The following SUSD4 variants were observed in gnomAD, a reference collection of about 807,000 sequenced individuals.
SUSD4 encodes the protein sushi domain-containing protein 4.
In SUSD4, 41 loss-of-function variants were observed where a neutral mutation model predicts 50.5. The ratio of observed to expected loss-of-function variants is 0.81; its 90% CI spans 0.63 to 1.05. The LOEUF is 1.05. Ranked by LOEUF, SUSD4 falls within the 50% of genes least tolerant of loss-of-function variation. The probability of loss-of-function intolerance (pLI) is 0.00; values close to 1 mark genes in which losing one functional copy is unlikely to be tolerated. For missense variants in SUSD4, 580 were observed against 634.7 expected (o/e 0.91, Z 0.93); for synonymous variants, 257 against 257.3 (o/e 1.00, Z 0.01).
At chr1:223,242,679 C>T (rs1223734275) in intron 5 of SUSD4, among the ~76,000 whole-genome samples, 1 of 152,214 alleles carries the variant, frequency 6.6e-6, no homozygotes, top group East Asian at 1.9e-4. Context: ...TAGTTACTCC[C>T]CTCACTCAGT....
At chr1:223,349,377 T>C (rs1558273366) in intron 2 of SUSD4, among the ~76,000 whole-genome samples, 1 of 152,150 alleles carries the variant, frequency 6.6e-6, no homozygotes. Context: ...GCTCAGCGGA[T>C]GGCCTGGGGC....
chr1:223,294,008 G>A (rs825119), intron 2 of SUSD4, among the ~76,000 whole-genome samples: 6,181 of 152,236 alleles, frequency 0.041, 404 homozygotes, highest in African/African-American at 0.14. Context: ...CCAGGGATAA[G>A]GGAGGCTCTG....
rs201305930 is a variant in SUSD4 at position 223,305,723 on chromosome 1, C to T, written c.149-13072G>A. Reference sequence around the variant, plus strand: ...ATAGTCATACTTCTGCCATATAGCACGATATACTATTTATTATAGCAAATT... The same window carrying T: ...ATAGTCATACTTCTGCCATATAGCATGATATACTATTTATTATAGCAAATT... On this transcript the variant is annotated intron_variant, in intron 2 of 8. Transcript: ENST00000366878. Among the ~76,000 whole-genome samples, 19 of 152,224 alleles carry T rather than the reference C, an allele frequency of 1.2e-4. No homozygotes were observed. The East Asian group carries it at 1.5e-3, about 12-fold the overall frequency.
At chr1:223,335,221 C>T (rs1418239152) in intron 2 of SUSD4, among the ~76,000 whole-genome samples, 2 of 152,084 alleles carry the variant, frequency 1.3e-5, no homozygotes, top group African/African-American at 4.8e-5. Flanking sequence ...GACTTCTTTT[C>T]CTCTGGGTAG....
At chr1:223,248,349 T>A (rs542547956) in intron 5 of SUSD4, among the ~76,000 whole-genome samples, 7 of 152,302 alleles carry the variant, frequency 4.6e-5, no homozygotes, top group African/African-American at 1.7e-4. Context: ...TGCTCCCATA[T>A]TGTACAGAAC....
At chr1:223,342,650 G>GA (rs1667820932) in intron 2 of SUSD4, among the ~76,000 whole-genome samples, 1 of 152,132 alleles carries the variant, frequency 6.6e-6, no homozygotes, top group Non-Finnish European at 1.5e-5. Context: ...AAAACATTGG[G>GA]AAAAGGATAG....
chr1:223,225,487 C>T (rs1438634527), intron 7 of SUSD4, among the ~76,000 whole-genome samples: 1 of 152,152 alleles, frequency 6.6e-6, no homozygotes, highest in East Asian at 1.9e-4. Context: ...CCATGCTCTT[C>T]AGGGGGCAGA....
At chr1:223,343,334 G>T (rs369693696) in intron 2 of SUSD4, among the ~76,000 whole-genome samples, 1 of 152,164 alleles carries the variant, frequency 6.6e-6, no homozygotes, top group South Asian at 2.1e-4. Context: ...AAGCTAAGTT[G>T]CTTTCCTTCA....
intron 3 of SUSD4, among the ~76,000 whole-genome samples, chr1:223,281,889 C>T (rs914530953): frequency 2.6e-5 from 4 of 152,268 alleles, no homozygotes; most frequent in African/African-American, 7.2e-5. Flanking sequence ...GCTTATCCAC[C>T]ACGATCAAGT....
At chr1:223,269,191 G>T (rs1446438449) in intron 3 of SUSD4, among the ~76,000 whole-genome samples, 1 of 152,152 alleles carries the variant, frequency 6.6e-6, no homozygotes, top group Admixed American at 6.5e-5. Flanking sequence ...GGCTGTGTTT[G>T]CCATTAGCAT....
At chr1:223,261,468 C>T (rs1201276073) in intron 5 of SUSD4, among the ~76,000 whole-genome samples, 1 of 152,140 alleles carries the variant, frequency 6.6e-6, no homozygotes, top group Admixed American at 6.5e-5. Context: ...GCTGGGTTTG[C>T]TCAGTGGCTA....
intron 2 of SUSD4, among the ~76,000 whole-genome samples, chr1:223,341,924 C>T (rs1300949057): frequency 2.0e-5 from 3 of 152,168 alleles, no homozygotes; most frequent in Non-Finnish European, 4.4e-5. Flanking sequence ...TTCTCGGGGC[C>T]TCAGAGTCTG....
In SUSD4 at chr1:223,291,488, C is replaced by CAAAAAAAAA. The variant is rs71572850; in HGVS notation, c.361+942_361+950dup. Among the ~76,000 whole-genome samples the CAAAAAAAAA allele has an allele frequency of 2.2e-4, 11 of 49,542 alleles. 1 individual carries two copies. Among genetic ancestry groups the CAAAAAAAAA allele is most frequent in the African/African-American group, 7.3e-4 (8 of 10,976 alleles). 32.5% of individuals were successfully genotyped at this position (49,542 alleles called of 152,430 possible). On this transcript the variant is annotated intron_variant, in intron 3 of 8. Coordinates refer to ENST00000366878, the MANE Select transcript of SUSD4 (RefSeq NM_017982.4). ...TGGATGACAGAGGGAGACACTGTCT[C>CAAAAAAAAA]AAAAAAAAAAAAAAAAAAAAAAGCT...
intron 2 of SUSD4, among the ~76,000 whole-genome samples, chr1:223,307,986 C>T (rs888983417): frequency 2.0e-5 from 3 of 152,158 alleles, no homozygotes; most frequent in South Asian, 2.1e-4. Context: ...ATCAGTTATT[C>T]GGATTTGTGC....
At position 223,354,354 on chromosome 1, in the gene SUSD4, A is replaced by AG. The variant is rs1491227774; in HGVS notation, c.148+8923dup. 3.3e-5 allele frequency among the ~76,000 whole-genome samples: 5 copies of AG among 151,910 alleles called. No individual in the cohort carries two copies. In the East Asian group the frequency reaches 7.7e-4, roughly 23 times the overall value. ...TCCTCAGCCTCCAAAAAAAAAAAAA[A>AG]GAACACCTCGCATCCACAAAGCAAT... On this transcript the variant is annotated intron_variant, in intron 2 of 8. Coordinates refer to ENST00000366878, the MANE Select transcript of SUSD4 (RefSeq NM_017982.4).
intron 5 of SUSD4, among the ~76,000 whole-genome samples, chr1:223,241,113 T>C (rs991103273): frequency 1.8e-4 from 27 of 152,316 alleles, no homozygotes; most frequent in African/African-American, 4.3e-4. Context: ...TCCGAGTCAG[T>C]TGGGCTCTGA....
intron 4 of SUSD4, among the ~76,000 whole-genome samples, chr1:223,267,132 G>A (rs1447403860): frequency 2.0e-5 from 3 of 152,238 alleles, no homozygotes; most frequent in African/African-American, 7.2e-5. Context: ...AGGGGAGGTG[G>A]AGAAGGGGCA....
At chr1:223,277,601 A>T (rs2138969) in intron 3 of SUSD4, among the ~76,000 whole-genome samples, 1,583 of 152,202 alleles carry the variant, frequency 0.01, 25 homozygotes, top group African/African-American at 0.036. Flanking sequence ...GAGTCACTTG[A>T]AGTGGGTCTC....
At position 223,364,072 on chromosome 1, in the gene SUSD4, A is replaced by T. The variant is rs1403432294; in HGVS notation, c.-51T>A. 1 of 151,682 alleles carries T rather than the reference A, an allele frequency of 6.6e-6. No homozygotes were observed. The highest frequency in any genetic ancestry group is 1.5e-5 in the Non-Finnish European group (1 of 67,808). The allele number at this position is 151,682 out of a possible 1,614,324, so 9.4% of individuals were successfully genotyped here. ...TCGGTCTTACCTGTGGGTCTCATGCATGCAGCTTCCTTCCCTCCTCCGCCT... is the reference window on the plus strand; with the variant it reads ...TCGGTCTTACCTGTGGGTCTCATGCTTGCAGCTTCCTTCCCTCCTCCGCCT... On this transcript the variant is annotated 5_prime_UTR_variant, in exon 1 of 9. It removes an upstream start codon present in the reference 5' UTR. Transcript: ENST00000366878. The surrounding 1 kb of genome is among the most constrained non-coding windows in gnomAD (Gnocchi z 4.5).
Sources: allele counts gnomAD v4.1 joint callset (sites outside exome capture counted in the v4.1 genomes callset), GRCh38; gene constraint gnomAD v4.1.1; non-coding constraint Gnocchi (gnomAD v3.1); transcripts MANE v1.5; gene names NCBI Gene and HGNC (gene_info 2026-07-23, HGNC 2026-07-21).